NELL1: variants seen among roughly 807,000 people sequenced by gnomAD.
NELL1 encodes neural EGFL like 1.
A neutral mutation model predicts 107.4 loss-of-function variants in NELL1; 76 were observed. That is an observed-to-expected ratio of 0.71 (90% confidence interval 0.59 to 0.86). The LOEUF is 0.86. NELL1 is among the 40% of genes least tolerant of loss of function. NELL1 has a pLI of 0.00. For missense variants in NELL1, 1,024 were observed against 1,005.5 expected (o/e 1.02, Z -0.25); for synonymous variants, 353 against 341.2 (o/e 1.03, Z -0.38).
At chr11:21,230,849 C>A (rs1858029390) in intron 14 of NELL1, among the ~76,000 whole-genome samples, 2 of 151,934 alleles carry the variant, frequency 1.3e-5, no homozygotes, top group Admixed American at 6.6e-5. Context: ...AATTTATCAA[C>A]ATTCAAAGTA....
At chr11:20,698,574 C>A (rs796992710) in intron 2 of NELL1, among the ~76,000 whole-genome samples, 2 of 152,010 alleles carry the variant, frequency 1.3e-5, no homozygotes, top group African/African-American at 4.8e-5. Flanking sequence ...TGATAATGTC[C>A]AAGGTAGAAG....
chr11:20,884,658 G>C (rs962199406), intron 4 of NELL1, among the ~76,000 whole-genome samples: 42 of 152,174 alleles, frequency 2.8e-4, no homozygotes, highest in African/African-American at 1.0e-3. Flanking sequence ...GGTAGGCTCT[G>C]CTAGAAACTT....
chr11:21,530,743 T>G lies in NELL1; in HGVS notation c.1646-3631T>G, dbSNP rs550489580. On this transcript the variant is annotated intron_variant, in intron 15 of 19. Transcript: ENST00000357134. ...TAATGTCTTTTAGAGGAAAATAACATGTAAATATTAAATTTACTTTTTCTT... is the reference window on the plus strand; with the variant it reads ...TAATGTCTTTTAGAGGAAAATAACAGGTAAATATTAAATTTACTTTTTCTT... Among the ~76,000 whole-genome samples the G allele has an allele frequency of 7.9e-5, 12 of 152,272 alleles. No homozygotes were observed. The South Asian group carries it at 2.5e-3, about 32-fold the overall frequency.
chr11:20,779,729 T>A (rs1856818668), intron 2 of NELL1, among the ~76,000 whole-genome samples: 1 of 152,244 alleles, frequency 6.6e-6, no homozygotes, highest in South Asian at 2.1e-4. Context: ...ATAGATGGAA[T>A]TTGCTCTCAG....
At chr11:21,061,727 G>T (rs888766479) in intron 12 of NELL1, among the ~76,000 whole-genome samples, 1 of 152,110 alleles carries the variant, frequency 6.6e-6, no homozygotes, top group Non-Finnish European at 1.5e-5. Context: ...TGCTGTCGGT[G>T]GTAGAGAAGC....
chr11:21,123,602 T>C (rs11025933), intron 13 of NELL1, among the ~76,000 whole-genome samples: 6,902 of 152,234 alleles, frequency 0.045, 540 homozygotes, highest in African/African-American at 0.16. Context: ...AGCACTTTCA[T>C]ATATCACTGA....
chr11:20,718,399 G>A (rs1855302027), intron 2 of NELL1, among the ~76,000 whole-genome samples: 1 of 152,158 alleles, frequency 6.6e-6, no homozygotes, highest in East Asian at 1.9e-4. Context: ...GGCATGCATA[G>A]CATATGGGGA....
intron 17 of NELL1, among the ~76,000 whole-genome samples, chr11:21,566,750 A>T (rs1856983166): frequency 6.6e-6 from 1 of 151,826 alleles, no homozygotes; most frequent in African/African-American, 2.4e-5. Context: ...TTCTAGTGTG[A>T]TTGTGCTCTG....
chr11:21,298,799 GCAA>G (rs775187577), intron 14 of NELL1, among the ~76,000 whole-genome samples: 5 of 151,942 alleles, frequency 3.3e-5, no homozygotes, highest in African/African-American at 4.8e-5. Context: ...AGCAGCAGCA[GCAA>G]CAACAACATT....
intron 13 of NELL1, among the ~76,000 whole-genome samples, chr11:21,178,154 T>C (rs1369975946): frequency 6.6e-6 from 1 of 151,880 alleles, no homozygotes; most frequent in African/African-American, 2.4e-5. Context: ...AAATTAGTGA[T>C]CTAGTAAAAG....
At chr11:21,529,003 G>A (rs115167598) in intron 15 of NELL1, among the ~76,000 whole-genome samples, 5 of 151,860 alleles carry the variant, frequency 3.3e-5, no homozygotes, top group African/African-American at 1.2e-4. Flanking sequence ...TATGGAAAAG[G>A]GTCTCTCATA....
chr11:21,448,003 T>C (rs1013295019), intron 15 of NELL1, among the ~76,000 whole-genome samples: 1 of 152,202 alleles, frequency 6.6e-6, no homozygotes, highest in Non-Finnish European at 1.5e-5. Flanking sequence ...CACTGAATTC[T>C]CACAATCGCT....
chr11:21,220,033 C>G (rs762304557), intron 13 of NELL1, among the ~76,000 whole-genome samples: 9 of 152,280 alleles, frequency 5.9e-5, no homozygotes, highest in Admixed American at 6.5e-5. Flanking sequence ...CATGAGAACT[C>G]ACTATCATGA....
At chr11:20,769,021 A>T (rs1856590279) in intron 2 of NELL1, among the ~76,000 whole-genome samples, 1 of 152,144 alleles carries the variant, frequency 6.6e-6, no homozygotes, top group South Asian at 2.1e-4. Context: ...TTTGAAAAGG[A>T]TCTTCCTGAT....
chr11:20,787,175 A>AT (rs1164949638), intron 3 of NELL1, among the ~76,000 whole-genome samples: 1 of 151,802 alleles, frequency 6.6e-6, no homozygotes, highest in African/African-American at 2.4e-5. Flanking sequence ...TCTGGACTTT[A>AT]TGATGCCCTG....
chr11:20,908,314 A>C (rs374593032), intron 5 of NELL1, among the ~76,000 whole-genome samples: 3 of 152,322 alleles, frequency 2.0e-5, no homozygotes, highest in East Asian at 3.9e-4. Context: ...AATTCTCAAC[A>C]ATGATAGACT....
At chr11:21,116,440 G>A (rs1056328467) in intron 13 of NELL1, among the ~76,000 whole-genome samples, 9 of 151,884 alleles carry the variant, frequency 5.9e-5, no homozygotes, top group South Asian at 4.2e-4. Context: ...TAAATGTATC[G>A]CTCCAGTTCC....
At chr11:21,471,643 G>A (rs1319899845) in intron 15 of NELL1, among the ~76,000 whole-genome samples, 2 of 152,028 alleles carry the variant, frequency 1.3e-5, no homozygotes, top group Admixed American at 1.3e-4. Flanking sequence ...CAGTGATGAA[G>A]TAGTGCCACT....
intron 13 of NELL1, among the ~76,000 whole-genome samples, chr11:21,156,369 A>G (rs560867510): frequency 4.7e-4 from 72 of 152,286 alleles, no homozygotes; most frequent in African/African-American, 1.7e-3. Flanking sequence ...TTAACAACAG[A>G]ACTGGGCTTT....
Sources: allele counts gnomAD v4.1 joint callset (sites outside exome capture counted in the v4.1 genomes callset), GRCh38; gene constraint gnomAD v4.1.1; transcripts MANE v1.5; gene names NCBI Gene and HGNC (gene_info 2026-07-23, HGNC 2026-07-21).